The following LRRC28 variants were observed in gnomAD, a reference collection of about 807,000 sequenced individuals.
LRRC28 encodes the protein leucine-rich repeat-containing protein 28.
A neutral mutation model predicts 45.7 loss-of-function variants in LRRC28; 39 were observed. The observed-to-expected ratio is 0.85, with a 90% confidence interval of 0.66 to 1.12. LRRC28 has a LOEUF of 1.12. Ranked by LOEUF, LRRC28 falls within the 50% of genes most tolerant of loss-of-function variation. The pLI is 0.00. For synonymous variants in LRRC28, 206 were observed against 178.8 expected, an observed-to-expected ratio of 1.15 and a Z score of -1.22; for missense variants, 435 against 438.5, an observed-to-expected ratio of 0.99 and a Z score of 0.07.
intron 6 of LRRC28, among the ~76,000 whole-genome samples, chr15:99,334,399 A>T (rs561692163): frequency 7.9e-6 from 1 of 126,892 alleles, no homozygotes; most frequent in Non-Finnish European, 1.6e-5. Flanking sequence ...AAAGGAATTA[A>T]AGAGTGTGTG....
chr15:99,302,116 T>C (rs530043336), intron 5 of LRRC28, among the ~76,000 whole-genome samples: 1 of 151,336 alleles, frequency 6.6e-6, no homozygotes, highest in East Asian at 1.9e-4. Context: ...AAGCTCCACC[T>C]CCCGGGTTCA....
intron 5 of LRRC28, among the ~76,000 whole-genome samples, chr15:99,305,953 AG>A (rs1482036240): frequency 6.6e-6 from 1 of 152,246 alleles, no homozygotes; most frequent in Non-Finnish European, 1.5e-5. Context: ...TGAGAAATTA[AG>A]CCTTGAGTGG....
intron 9 of LRRC28, among the ~76,000 whole-genome samples, chr15:99,376,048 C>A (rs777133928): frequency 1.3e-4 from 19 of 151,968 alleles, no homozygotes; most frequent in Non-Finnish European, 2.5e-4. Context: ...GAGGAAAAGT[C>A]TCAAATCAAT....
intron 2 of LRRC28, chr15:99,258,471 C>A: frequency 1.3e-6 from 1 of 798,466 alleles, no homozygotes; most frequent in Non-Finnish European, 2.2e-6. Flanking sequence ...TATGGAGCAG[C>A]AAGACTGAAA....
chr15:99,259,364 G>C (rs2081123239), intron 2 of LRRC28: 2 of 1,552,412 alleles, frequency 1.3e-6, no homozygotes, highest in Non-Finnish European at 1.8e-6. Flanking sequence ...TCCCGAATTT[G>C]ATGGGAAGAG....
chr15:99,271,401 C>T (rs898920887), intron 2 of LRRC28, among the ~76,000 whole-genome samples: 1 of 151,798 alleles, frequency 6.6e-6, no homozygotes, highest in Non-Finnish European at 1.5e-5. Context: ...GCCTCAGCCT[C>T]CCAAATAGCT....
At chr15:99,269,724 A>G (rs2081424702) in intron 2 of LRRC28, among the ~76,000 whole-genome samples, 2 of 152,140 alleles carry the variant, frequency 1.3e-5, no homozygotes, top group South Asian at 4.1e-4. Context: ...ATTAAAGTAA[A>G]ATAATATTAA....
At position 99,322,061 on chromosome 15, in the gene LRRC28, G is replaced by T. The variant is rs115355566; in HGVS notation, c.386-11862G>T. ...GGGTTGGGAAGGAGCATTCCTGACC[G>T]AGGAATAGCAGATTCAAAGCCTCCA... is the stretch of plus-strand genomic sequence containing the variant. On this transcript the variant is annotated intron_variant, in intron 5 of 9. Transcript: ENST00000301981. Among the ~76,000 whole-genome samples the T allele has an allele frequency of 7.4e-3, 1,126 of 152,240 alleles. 7 individuals carry two copies. Among genetic ancestry groups the T allele is most frequent in the African/African-American group, 0.025 (1,039 of 41,532 alleles).
At chr15:99,275,162 A>T (rs537413043) in intron 2 of LRRC28, among the ~76,000 whole-genome samples, 1 of 152,326 alleles carries the variant, frequency 6.6e-6, no homozygotes, top group South Asian at 2.1e-4. Flanking sequence ...GTGCGTATGC[A>T]GACTGGCTTT....
rs150485110 is a variant in LRRC28 at position 99,363,011 on chromosome 15, TA to T, written c.872-93del. The T allele has an allele frequency of 3.6e-3, 4,845 of 1,337,296 alleles. 140 individuals are homozygous for T. In the African/African-American group the frequency reaches 0.061, roughly 17 times the overall value. 82.8% of individuals were successfully genotyped at this position (1,337,296 alleles called of 1,614,324 possible). On this transcript the variant is annotated intron_variant, in intron 8 of 9. Coordinates refer to ENST00000301981, the MANE Select transcript of LRRC28 (RefSeq NM_144598.5). The stretch of plus-strand genomic sequence containing the variant: ...ATTTTCAACATGAAGTACTTTTAAG[TA>T]ACTGAACTTATTTGGTAACAAATAT...
chr15:99,259,202 A>G (rs950788123), intron 2 of LRRC28: 56 of 1,099,120 alleles, frequency 5.1e-5, no homozygotes, highest in African/African-American at 7.7e-5. Flanking sequence ...GGATGTTGAA[A>G]GAATGAAGGA....
chr15:99,384,964 G>A (rs1297498715), intron 9 of LRRC28, among the ~76,000 whole-genome samples: 2 of 152,196 alleles, frequency 1.3e-5, no homozygotes, highest in Non-Finnish European at 2.9e-5. Context: ...GTTTGGGCAG[G>A]GTGGAGAGCA....
chr15:99,376,369 A>T (rs2152337604), intron 9 of LRRC28, among the ~76,000 whole-genome samples: 1 of 152,226 alleles, frequency 6.6e-6, no homozygotes, highest in East Asian at 1.9e-4. Context: ...CCTTGCTTTA[A>T]ACTTAAATTG....
chr15:99,305,071 G>T (rs1427141545), intron 5 of LRRC28, among the ~76,000 whole-genome samples: 1 of 152,172 alleles, frequency 6.6e-6, no homozygotes, highest in East Asian at 1.9e-4. Flanking sequence ...TTGAGCCAAA[G>T]AAGTGAAAGG....
At chr15:99,293,090 C>G (rs1404325819) in intron 5 of LRRC28, among the ~76,000 whole-genome samples, 1 of 152,162 alleles carries the variant, frequency 6.6e-6, no homozygotes, top group Non-Finnish European at 1.5e-5. Flanking sequence ...TGGCTTTTCT[C>G]TAGGGTTCAC....
chr15:99,303,294 A>ATGCC (rs1376497793), intron 5 of LRRC28, among the ~76,000 whole-genome samples: 1 of 152,202 alleles, frequency 6.6e-6, no homozygotes, highest in Non-Finnish European at 1.5e-5. Context: ...AATATTAACT[A>ATGCC]TGCCTATCTT....
At chr15:99,305,625 A>G (rs1955155231) in intron 5 of LRRC28, among the ~76,000 whole-genome samples, 2 of 152,216 alleles carry the variant, frequency 1.3e-5, no homozygotes, top group African/African-American at 4.8e-5. Flanking sequence ...TTATTTAAAG[A>G]ATGTTAATTA....
intron 6 of LRRC28, among the ~76,000 whole-genome samples, chr15:99,349,668 A>G (rs1471568236): frequency 6.6e-6 from 1 of 152,256 alleles, no homozygotes; most frequent in Non-Finnish European, 1.5e-5. Context: ...GAAAGTAGTC[A>G]TAACATAAAC....
chr15:99,320,731 A>G (rs1955766816), intron 5 of LRRC28: 1 of 152,204 alleles, frequency 6.6e-6, no homozygotes, highest in South Asian at 2.1e-4. Context: ...CATCAAATAG[A>G]CCAGGTAAGG....
Sources: gnomAD v4.1 joint callset for allele counts (sites outside exome capture counted in the v4.1 genomes callset) on GRCh38, gnomAD v4.1.1 for gene constraint, MANE v1.5 for transcripts, NCBI Gene and HGNC (gene_info 2026-07-23, HGNC 2026-07-21) for gene names.